The following TEAD2 variants were observed in gnomAD, a reference collection of about 807,000 sequenced individuals.
TEAD2 encodes TEA domain transcription factor 2, also known as transcriptional enhancer factor TEF-4.
A neutral mutation model predicts 61.4 loss-of-function variants in TEAD2; 51 were observed. That is an observed-to-expected ratio of 0.83 (90% CI 0.66 to 1.05). The LOEUF is 1.05. Among genes scored for constraint, TEAD2 ranks in the 50% least tolerant of loss-of-function variants. TEAD2 has a pLI of 0.00. For missense variants in TEAD2, 509 were observed against 600.0 expected, an observed-to-expected ratio of 0.85 and a Z score of 1.58; for synonymous variants, 244 against 243.2, an observed-to-expected ratio of 1.00 and a Z score of -0.03.
chr19:49,360,162 A>G (rs367780570), intron 1 of TEAD2, 81 bp from the exon 2 acceptor site: 2 of 1,162,138 alleles, frequency 1.7e-6, no homozygotes, highest in Non-Finnish European at 2.4e-6. Flanking sequence ...GGGACTCTGG[A>G]CCACTGGGTC....
intron 9 of TEAD2, among the ~76,000 whole-genome samples, chr19:49,347,693 T>C (rs1427437799): frequency 6.6e-6 from 1 of 152,108 alleles, no homozygotes; most frequent in African/African-American, 2.4e-5. Context: ...GCTCCAGACC[T>C]GCCCCTGACC....
rs1000498711 is a variant in TEAD2 at position 49,359,692 on chromosome 19, G to A, written c.232+152C>T. ...GCTCCATCACGCACTGGCTCTGTGCGACCATAAGCAAATCACTTAACCTAG... is the reference window on the plus strand; with the variant it reads ...GCTCCATCACGCACTGGCTCTGTGCAACCATAAGCAAATCACTTAACCTAG... On this transcript the variant is annotated intron_variant, in intron 2 of 12. Transcript: ENST00000593945. This position sits in a 1 kb window ranked among gnomAD's most constrained non-coding sequence, Gnocchi z 4.1. 4.9e-6 allele frequency: 5 copies of A among 1,029,494 alleles called. No individual in the cohort carries two copies. The highest frequency in any genetic ancestry group is 4.2e-5 in the Admixed American group (2 of 47,856). 63.8% of individuals were successfully genotyped at this position (1,029,494 alleles called of 1,614,324 possible).
chr19:49,342,378 G>T, intron 12 of TEAD2, 60 bp downstream of exon 12: 1 of 1,590,314 alleles, frequency 6.3e-7, no homozygotes, highest in Non-Finnish European at 8.6e-7. Flanking sequence ...CTGAGGGTCT[G>T]TTATAGGTAC....
In TEAD2 at chr19:49,342,430, G is replaced by A. The variant is rs1971358162; in HGVS notation, c.1242+8C>T. 1 of 1,612,040 alleles carries A rather than the reference G, an allele frequency of 6.2e-7. No individual in the cohort carries two copies. The highest frequency in any genetic ancestry group is 1.1e-5 in the South Asian group (1 of 91,024). ...GGGGCCCCACTCCAGCCCAGCCCCA[G>A]GCATCACCTGGAGGATGGTGAAGTT... On this transcript the variant is annotated splice_region_variant and intron_variant, in intron 12 of 12. Transcript: ENST00000593945.
chr19:49,350,845 AAC>A (rs1971971410), intron 8 of TEAD2, among the ~76,000 whole-genome samples: 1 of 151,528 alleles, frequency 6.6e-6, no homozygotes, highest in Non-Finnish European at 1.5e-5. Context: ...CCCCGCCCCC[AAC>A]ACACACACCC....
rs1418853472 is a variant in TEAD2, at chr19:49,342,476, T to C, written c.1204A>G (p.Met402Val). ...HKLRQLPERY[M>V]MNSVLENFTI... ...AAGTTTTCCAGGACGCTGTTCATCA[T>C]GTATCGCTCAGGCAGCTGCCGCAAC... is the stretch of plus-strand genomic sequence containing the variant. The change falls in exon 12 of 13, where the codon ATG (methionine) becomes GTG (valine). Residue 402 changes from methionine (M) to valine (V), a missense_variant. Met to Val is a conservative substitution (Grantham distance 21, BLOSUM62 1). Coordinates refer to ENST00000593945, the MANE Select transcript of TEAD2 (RefSeq NM_001256660.2). The C allele has an allele frequency of 8.1e-6, 13 of 1,614,040 alleles. No individual in the cohort carries two copies. Among genetic ancestry groups the C allele is most frequent in the Non-Finnish European group, 1.1e-5 (13 of 1,179,982 alleles).
Position 49,341,494 on chromosome 19 carries a change from G to T in TEAD2, c.1243-57C>A. 7.1e-7 allele frequency: 1 copy of T among 1,409,702 alleles called. No individual in the cohort carries two copies. 87.3% of individuals were successfully genotyped at this position (1,409,702 alleles called of 1,614,324 possible). ...CTTAGAAGGGAGGGCAGGGACCCCT[G>T]TGCCCCCCTGCCAAGCTATCATGGA... On this transcript the variant is annotated intron_variant, in intron 12 of 12. Transcript: ENST00000593945. The surrounding 1 kb of genome is among the most constrained non-coding windows in gnomAD (Gnocchi z 4.2).
intron 10 of TEAD2, 37 bp from the exon 11 acceptor site, chr19:49,343,435 C>T: frequency 6.4e-7 from 1 of 1,571,144 alleles, no homozygotes; most frequent in Non-Finnish European, 8.6e-7. Context: ...TCAGAGGGGA[C>T]ATCCCTTATA....
Position 49,360,060 on chromosome 19 carries a change from C to T in TEAD2, c.16G>A (p.Ala6Thr). Residue 6 changes from alanine (A) to threonine (T), a missense_variant, in exon 2 of 13, where the codon GCT becomes ACT. Coordinates refer to ENST00000593945, the MANE Select transcript of TEAD2 (RefSeq NM_001256660.2). ...CTGCCATCGTCCAGGGCGGCCCCAG[C>T]CCGGGGTTCCCCCATCTGGGCCTGG... The part of the protein sequence containing the change: MGEPR[A>T]GAALDDGSGW... The T allele has an allele frequency of 6.2e-7, 1 of 1,605,810 alleles. No homozygotes were observed. The highest frequency in any genetic ancestry group is 8.5e-7 in the Non-Finnish European group (1 of 1,179,648).
chr19:49,343,312 C>T lies in TEAD2; in HGVS notation c.1008G>A (p.Gln336=), dbSNP rs1971418676. 6.2e-7 allele frequency: 1 copy of T among 1,614,096 alleles called. No homozygotes were observed. The highest frequency in any genetic ancestry group is 8.5e-7 in the Non-Finnish European group (1 of 1,180,028). ...SSGGFYGVSS[Q]YESLEHMTLT... is the part of the protein sequence containing the mutation. ...GGGTCATGTGTTCCAGGCTCTCATA[C>T]TGGCTGCTCACTCCGTAGAAGCCAC... The change falls in exon 11 of 13, where the codon CAG becomes CAA. Residue 336 remains glutamine, a synonymous_variant. Transcript: ENST00000593945.
chr19:49,358,318 G>A (rs1052597997), intron 3 of TEAD2, among the ~76,000 whole-genome samples: 21 of 151,990 alleles, frequency 1.4e-4, no homozygotes, highest in Admixed American at 6.6e-5. Context: ...GGAAGGCTGA[G>A]GCAGCAGAAT....
intron 7 of TEAD2, 135 bp downstream of exon 7, chr19:49,355,013 A>ACATACATG: frequency 1.6e-6 from 1 of 644,454 alleles, no homozygotes; most frequent in South Asian, 1.8e-5. Context: ...ATAAATACAT[A>ACATACATG]CATACATGCA....
Position 49,348,838 on chromosome 19 carries a change from C to A in TEAD2, c.612G>T (p.Glu204Asp). The A allele has an allele frequency of 6.4e-7, 1 of 1,557,812 alleles. No individual in the cohort carries two copies. ...TPPSTDLPGY[E>D]PPQALSPLPP... ...GCAGGGGTGAGAGGGCTTGGGGGGGCTCGTACCCTAGAGAGAGAGAAGAAA... is the reference window on the plus strand; with the variant it reads ...GCAGGGGTGAGAGGGCTTGGGGGGGATCGTACCCTAGAGAGAGAGAAGAAA... Residue 204 changes from glutamate to aspartate, a missense_variant, in exon 9 of 13, where the codon GAG (glutamate) becomes GAT (aspartate). Physicochemically the swap from Glu to Asp is conservative, Grantham distance 45. Coordinates refer to ENST00000593945, the MANE Select transcript of TEAD2 (RefSeq NM_001256660.2).
intron 4 of TEAD2, among the ~76,000 whole-genome samples, chr19:49,356,997 T>C (rs1972447603): frequency 6.6e-6 from 1 of 151,322 alleles, no homozygotes; most frequent in Non-Finnish European, 1.5e-5. Context: ...TCTATGGGTC[T>C]CTGTCCCTCT....
chr19:49,347,288 C>T lies in TEAD2; in HGVS notation c.823G>A (p.Val275Ile), dbSNP rs768471995. 6.2e-6 allele frequency: 10 copies of T among 1,614,028 alleles called. No individual in the cohort carries two copies. Among genetic ancestry groups the T allele is most frequent in the Non-Finnish European group, 7.6e-6 (9 of 1,180,030 alleles). The change falls in exon 10 of 13, where the codon GTC becomes ATC. Residue 275 changes from valine to isoleucine, a missense_variant. Val to Ile is a conservative substitution (Grantham distance 29). Coordinates refer to ENST00000593945, the MANE Select transcript of TEAD2 (RefSeq NM_001256660.2). Reference sequence around the variant, plus strand: ...GGGAATTTGTCGTAGATCTGCCGGACGTCCACACTCTCGAGCGGCGGCGCT... The same window carrying T: ...GGGAATTTGTCGTAGATCTGCCGGATGTCCACACTCTCGAGCGGCGGCGCT... ...PGAPPLESVDVRQIYDKFPEK... is the reference protein window; with the variant it reads ...PGAPPLESVDIRQIYDKFPEK...
rs111685561 is a variant in TEAD2 at position 49,345,244 on chromosome 19, C to A, written c.922-1846G>T. 1.7e-4 allele frequency among the ~76,000 whole-genome samples: 26 copies of A among 152,308 alleles called. 1 individual carries two copies. The highest frequency in any genetic ancestry group is 5.8e-4 in the African/African-American group (24 of 41,568). ...CAGCAAGCTCCAGAACAACAACACT[C>A]CCAGCAAGAACAGTAAAGTTCAGGC... is the stretch of plus-strand genomic sequence containing the variant. On this transcript the variant is annotated intron_variant, in intron 10 of 12. Coordinates refer to ENST00000593945, the MANE Select transcript of TEAD2 (RefSeq NM_001256660.2).
intron 10 of TEAD2, 46 bp from the exon 11 acceptor site, chr19:49,343,444 T>C (rs771782882): frequency 6.5e-7 from 1 of 1,549,072 alleles, no homozygotes; most frequent in Non-Finnish European, 8.7e-7. Flanking sequence ...ACATCCCTTA[T>C]AAACAGTGGG....
chr19:49,351,427 GT>G, intron 7 of TEAD2, 62 bp from the exon 8 acceptor site: 1 of 1,490,236 alleles, frequency 6.7e-7, no homozygotes, highest in African/African-American at 1.4e-5. Flanking sequence ...ACCAGCAAAT[GT>G]TTACTGAGAG....
At position 49,353,248 on chromosome 19, in the gene TEAD2, A is replaced by T. The variant is rs538119041; in HGVS notation, c.540-1883T>A. On this transcript the variant is annotated intron_variant, in intron 7 of 12. Coordinates refer to ENST00000593945, the MANE Select transcript of TEAD2 (RefSeq NM_001256660.2). ...GGAGTAGCTGGGATTACAGGCGCAC[A>T]TCACCATGCCTGGCTATTTTTTGCA... Among the ~76,000 whole-genome samples the T allele has an allele frequency of 5.3e-5, 8 of 152,046 alleles. No homozygotes were observed. In the South Asian group the frequency reaches 1.0e-3, roughly 20 times the overall value.
Sources: allele counts gnomAD v4.1 joint callset (sites outside exome capture counted in the v4.1 genomes callset), GRCh38; gene constraint gnomAD v4.1.1; non-coding constraint Gnocchi (gnomAD v3.1); transcripts MANE v1.5; gene names NCBI Gene and HGNC (gene_info 2026-07-23, HGNC 2026-07-21).